Variants in NOTUM observed in about 807,000 individuals in gnomAD.
NOTUM encodes notum, palmitoleoyl-protein carboxylesterase, also known as palmitoleoyl-protein carboxylesterase NOTUM.
NOTUM carries 36 observed loss-of-function variants against 65.5 expected under a neutral mutation model. That is an observed-to-expected ratio of 0.55 (90% CI 0.42 to 0.73). NOTUM has a LOEUF of 0.73. Ranked by LOEUF, NOTUM falls within the 30% of genes least tolerant of loss-of-function variation. NOTUM has a pLI of 0.00. For missense variants in NOTUM, 659 were observed against 694.2 expected (o/e 0.95, Z 0.57); for synonymous variants, 356 against 297.9 (o/e 1.20, Z -2.01).
intron 1 of NOTUM, chr17:81,959,958 C>T (rs1344006225): frequency 5.8e-6 from 1 of 172,406 alleles, no homozygotes; most frequent in Non-Finnish European, 1.2e-5. Context: ...GCTGTCACCT[C>T]GGCGCGGGCG....
intron 3 of NOTUM, chr17:81,959,199 C>T (rs2041455628): frequency 6.4e-6 from 4 of 621,676 alleles, no homozygotes; most frequent in African/African-American, 1.8e-5. Context: ...CCACGGTGCC[C>T]GGCTAGGCTG....
rs753265012 is a variant in NOTUM at position 81,956,945 on chromosome 17, G to A, written c.825C>T (p.Arg275=). 1.2e-6 allele frequency: 2 copies of A among 1,613,288 alleles called. No homozygotes were observed. Among genetic ancestry groups the A allele is most frequent in the Non-Finnish European group, 1.7e-6 (2 of 1,179,944 alleles). The change falls in exon 7 of 11, where the codon CGC becomes CGT. Residue 275 remains arginine, a synonymous_variant. Transcript: ENST00000409678. Reference sequence around the variant, plus strand: ...TGATCGTGTCGACGCAGTCTGTGTGGCGATACTGCTTGTTGTCCAGGAACC... The same window carrying A: ...TGATCGTGTCGACGCAGTCTGTGTGACGATACTGCTTGTTGTCCAGGAACC... The part of the protein sequence containing the change: ...SGWFLDNKQY[R]HTDCVDTITC...
intron 4 of NOTUM, 92 bp downstream of exon 4, chr17:81,958,843 A>C: frequency 1.0e-6 from 1 of 958,084 alleles, no homozygotes; most frequent in Non-Finnish European, 1.7e-6. Context: ...CCCAGGAAAG[A>C]CCATTTCAGA....
intron 6 of NOTUM, among the ~76,000 whole-genome samples, chr17:81,957,366 A>G (rs1039213969): frequency 6.6e-6 from 1 of 152,052 alleles, no homozygotes; most frequent in Admixed American, 6.5e-5. Flanking sequence ...GAAAATGAAG[A>G]TAAACTATGT....
rs2041458340 is a variant in NOTUM at position 81,959,548 on chromosome 17, T to C, written c.395A>G (p.Asn132Ser). The change falls in exon 3 of 11, where the codon AAC becomes AGC. Residue 132 changes from asparagine (N) to serine (S), a missense_variant. Asn to Ser is a conservative substitution (Grantham distance 46). Transcript: ENST00000409678. ...GTATCTGGAGTCGCAGTTCTCGCGG[T>C]TGAAGCAGTACCAGCCGCCTGCGGA... ...LFLEGGWYCF[N>S]RENCDSRYDT... 1 of 1,548,824 alleles carries C rather than the reference T, an allele frequency of 6.5e-7. No homozygotes were observed. The highest frequency in any genetic ancestry group is 8.7e-7 in the Non-Finnish European group (1 of 1,146,470).
At position 81,955,422 on chromosome 17, in the gene NOTUM, G is replaced by C; in HGVS notation, c.1111C>G (p.Leu371Val). 6.3e-7 allele frequency: 1 copy of C among 1,592,048 alleles called. No homozygotes were observed. Reference sequence around the variant, plus strand: ...GGCACGTCCTTGAGTGTGTGGCGCAGCTCGCGGCCGAGGTTCTGGATGTAC... The same window carrying C: ...GGCACGTCCTTGAGTGTGTGGCGCACCTCGCGGCCGAGGTTCTGGATGTAC... ...RLYIQNLGRELRHTLKDVPAS... is the reference protein window; with the variant it reads ...RLYIQNLGREVRHTLKDVPAS... Residue 371 changes from leucine (L) to valine (V), a missense_variant, in exon 9 of 11, where the codon CTG becomes GTG. Coordinates refer to ENST00000409678, the MANE Select transcript of NOTUM (RefSeq NM_178493.6).
At chr17:81,958,005 G>A in intron 5 of NOTUM, 97 bp from the exon 6 acceptor site, 2 of 877,900 alleles carry the variant, frequency 2.3e-6, no homozygotes, top group Non-Finnish European at 3.7e-6. Flanking sequence ...GCCCCACTGG[G>A]GGACTGGGAG....
intron 5 of NOTUM, 72 bp from the exon 6 acceptor site, chr17:81,957,980 G>T: frequency 8.6e-7 from 1 of 1,156,740 alleles, no homozygotes; most frequent in Non-Finnish European, 1.3e-6. Flanking sequence ...CAGAATGGCT[G>T]GCAGAGAAGT....
chr17:81,953,197 G>T lies in NOTUM; in HGVS notation c.1255C>A (p.His419Asn). ...RALHCWDRSL[H>N]DSHKASKTPL... The stretch of plus-strand genomic sequence containing the variant: ...GTCTTGCTGGCCTTGTGGCTGTCAT[G>T]GAGGCTCCTGTCCCAGCAGTGCAGT... The change falls in exon 11 of 11, where the codon CAT becomes AAT. Residue 419 changes from histidine (H) to asparagine (N), a missense_variant. Physicochemically the swap from His to Asn is moderately conservative, Grantham distance 68. Coordinates refer to ENST00000409678, the MANE Select transcript of NOTUM (RefSeq NM_178493.6). The T allele has an allele frequency of 6.2e-7, 1 of 1,612,940 alleles. No homozygotes were observed. The highest frequency in any genetic ancestry group is 8.5e-7 in the Non-Finnish European group (1 of 1,179,672).
Position 81,960,794 on chromosome 17 carries a change from G to A in NOTUM, c.116C>T (p.Thr39Ile), listed in dbSNP as rs2041469649. 1 of 1,553,312 alleles carries A rather than the reference G, an allele frequency of 6.4e-7. No homozygotes were observed. Among genetic ancestry groups the A allele is most frequent in the African/African-American group, 1.4e-5 (1 of 73,668 alleles). ...RGQQPPPPPR[T>I]EAAPAAGQPV... Reference sequence around the variant, plus strand: ...CTGTCCGGCCGCCGGCGCCGCCTCGGTCCGCGGGGGAGGAGGCGGCTGCTG... The same window carrying A: ...CTGTCCGGCCGCCGGCGCCGCCTCGATCCGCGGGGGAGGAGGCGGCTGCTG... Residue 39 changes from threonine (T) to isoleucine (I), a missense_variant, in exon 1 of 11, where the codon ACC becomes ATC. Coordinates refer to ENST00000409678, the MANE Select transcript of NOTUM (RefSeq NM_178493.6). This position sits in a 1 kb window ranked among gnomAD's most constrained non-coding sequence, Gnocchi z 6.4.
intron 9 of NOTUM, 104 bp downstream of exon 9, chr17:81,955,291 CTA>C: frequency 9.3e-7 from 1 of 1,079,514 alleles, no homozygotes; most frequent in South Asian, 1.6e-5. Flanking sequence ...TACAAGACCT[CTA>C]TTTTTTTTTG....
At chr17:81,954,110 A>T (rs2143940002) in intron 10 of NOTUM, 146 bp downstream of exon 10, 1 of 632,414 alleles carries the variant, frequency 1.6e-6, no homozygotes, top group East Asian at 2.8e-5. Flanking sequence ...AGCTGTTGGT[A>T]CAAGTGGCTC....
chr17:81,955,334 A>G, intron 9 of NOTUM, 63 bp downstream of exon 9: 1 of 1,376,218 alleles, frequency 7.3e-7, no homozygotes, highest in Non-Finnish European at 9.9e-7. Context: ...TTTTCTCAGG[A>G]CCTCTATTTT....
chr17:81,958,376 G>C lies in NOTUM; in HGVS notation c.551C>G (p.Ser184Cys). The C allele has an allele frequency of 6.2e-7, 1 of 1,610,422 alleles. No homozygotes were observed. The highest frequency in any genetic ancestry group is 2.2e-5 in the East Asian group (1 of 44,882). The stretch of plus-strand genomic sequence containing the variant: ...TGAAGCCCCGCTCCAAACATCACTG[G>C]AGCAGTAGGGGATGAAGCTGCAACA... The part of the protein sequence containing the change: ...NANMVFIPYC[S>C]SDVWSGASSK... The change falls in exon 5 of 11, where the codon TCC becomes TGC. Residue 184 changes from serine (S) to cysteine (C), a missense_variant. By Grantham distance (112) the Ser-to-Cys change is moderately radical (BLOSUM62 -1). Coordinates refer to ENST00000409678, the MANE Select transcript of NOTUM (RefSeq NM_178493.6).
chr17:81,954,178 G>C (rs2041410315), intron 10 of NOTUM, 78 bp downstream of exon 10: 3 of 1,044,970 alleles, frequency 2.9e-6, no homozygotes, highest in Admixed American at 3.5e-5. Flanking sequence ...CCCATGGGAG[G>C]CCAAGTGCGG....
chr17:81,957,072 G>A lies in NOTUM; in HGVS notation c.698C>T (p.Ala233Val), dbSNP rs1254143325. Residue 233 changes from alanine (A) to valine (V), a missense_variant and splice_region_variant, in exon 7 of 11, where the codon GCG (alanine) becomes GTG (valine). Physicochemically the swap from Ala to Val is moderately conservative, Grantham distance 64 (BLOSUM62 0). Transcript: ENST00000409678. ...ATTCAGGAGCACCCCGGTGCCCCCC[G>A]CGCTGCAAGGAGGGCCAGACGTGAG... ...AKVLLLAGSSAGGTGVLLNVD... is the reference protein window; with the variant it reads ...AKVLLLAGSSVGGTGVLLNVD... 12 of 1,597,658 alleles carry A rather than the reference G, an allele frequency of 7.5e-6. No homozygotes were observed. The highest frequency in any genetic ancestry group is 1.0e-5 in the Non-Finnish European group (12 of 1,176,012).
In NOTUM at chr17:81,958,360, G is replaced by C. The variant is rs774109195; in HGVS notation, c.567C>G (p.Ser189Arg). The C allele has an allele frequency of 6.2e-7, 1 of 1,610,314 alleles. No homozygotes were observed. The highest frequency in any genetic ancestry group is 8.5e-7 in the Non-Finnish European group (1 of 1,178,106). Residue 189 changes from serine (S) to arginine (R), a missense_variant, in exon 5 of 11, where the codon AGC becomes AGG. By Grantham distance (110) the Ser-to-Arg change is moderately radical (BLOSUM62 -1). Coordinates refer to ENST00000409678, the MANE Select transcript of NOTUM (RefSeq NM_178493.6). The part of the protein sequence containing the change: ...FIPYCSSDVW[S>R]GASSKSEKNE... ...TCTTCTCAGACTTGGATGAAGCCCC[G>C]CTCCAAACATCACTGGAGCAGTAGG...
Position 81,952,692 on chromosome 17 carries a change from C to G in NOTUM, c.*269G>C, listed in dbSNP as rs2041396082. 1.8e-6 allele frequency: 1 copy of G among 542,820 alleles called. No individual in the cohort carries two copies. Among genetic ancestry groups the G allele is most frequent in the Admixed American group, 3.4e-5 (1 of 29,382 alleles). 33.6% of individuals were successfully genotyped at this position (542,820 alleles called of 1,614,324 possible). On this transcript the variant is annotated 3_prime_UTR_variant, in exon 11 of 11. Transcript: ENST00000409678. ...TGTCTGAGCTGGTGGACTGAGGAATCCAGTGCTTCTCTTCTGGCTACCCCC... is the reference window on the plus strand; with the variant it reads ...TGTCTGAGCTGGTGGACTGAGGAATGCAGTGCTTCTCTTCTGGCTACCCCC...
intron 3 of NOTUM, 179 bp from the exon 4 acceptor site, chr17:81,959,174 G>C (rs939764195): frequency 2.9e-4 from 186 of 636,032 alleles, no homozygotes; most frequent in Non-Finnish European, 4.9e-4. Flanking sequence ...AGTTACCCCC[G>C]GGAAGCCACC....
Sources: gnomAD v4.1 joint callset for allele counts (sites outside exome capture counted in the v4.1 genomes callset) on GRCh38, gnomAD v4.1.1 for gene constraint, Gnocchi (gnomAD v3.1) non-coding constraint, MANE v1.5 for transcripts, NCBI Gene and HGNC (gene_info 2026-07-23, HGNC 2026-07-21) for gene names.